The following ZNF728 variants were observed in gnomAD, a reference collection of about 807,000 sequenced individuals.
The protein encoded by ZNF728 is zinc finger protein 728.
A neutral mutation model predicts 12.5 loss-of-function variants in ZNF728; 12 were observed. The observed-to-expected ratio is 0.96, with a 90% CI of 0.61 to 1.55. The LOEUF (loss-of-function observed/expected upper bound fraction) is 1.55, where lower values mean the gene tolerates loss of function less well. Ranked by LOEUF, ZNF728 falls within the 40% of genes most tolerant of loss-of-function variation. ZNF728 has a pLI of 0.00. For missense variants in ZNF728, 692 were observed against 719.2 expected (o/e 0.96, Z 0.43); for synonymous variants, 205 against 240.7 (o/e 0.85, Z 1.37).
intron 1 of ZNF728, among the ~76,000 whole-genome samples, chr19:22,998,749 T>C (rs936718955): frequency 2.6e-5 from 4 of 152,206 alleles, no homozygotes; most frequent in African/African-American, 7.2e-5. Context: ...AGATGAAGCA[T>C]ATAGATAATA....
At chr19:22,982,364 G>A (rs1968868993) in intron 3 of ZNF728, among the ~76,000 whole-genome samples, 1 of 152,178 alleles carries the variant, frequency 6.6e-6, no homozygotes. Flanking sequence ...GAAAATAAGA[G>A]AGGACACAAA....
chr19:22,994,020 G>A (rs1399470112), intron 1 of ZNF728, among the ~76,000 whole-genome samples: 2 of 152,172 alleles, frequency 1.3e-5, no homozygotes, highest in Non-Finnish European at 2.9e-5. Flanking sequence ...GCATGAGGAG[G>A]GAGGGAGAAG....
chr19:22,999,361 C>T (rs1039182824), intron 1 of ZNF728, among the ~76,000 whole-genome samples: 2 of 152,084 alleles, frequency 1.3e-5, no homozygotes, highest in African/African-American at 4.8e-5. Flanking sequence ...CTCCCAAACC[C>T]CTTCTATCTT....
Position 22,975,358 on chromosome 19 carries a change from AAC to A in ZNF728, c.*108_*109del. 1.0e-6 allele frequency: 1 copy of A among 979,194 alleles called. No homozygotes were observed. Among genetic ancestry groups the A allele is most frequent in the Non-Finnish European group, 1.5e-6 (1 of 656,034 alleles). The allele number at this position is 979,194 out of a possible 1,614,324, so 60.7% of individuals were successfully genotyped here. ...ACCTTATGTTTAGTAAGGATTGAGG[AAC>A]AGTTAAAAAATTTGCCACATTCTTC... On this transcript the variant is annotated 3_prime_UTR_variant, in exon 4 of 4. Transcript: ENST00000594710.
At chr19:22,982,467 T>C (rs1170521544) in intron 3 of ZNF728, among the ~76,000 whole-genome samples, 1 of 152,202 alleles carries the variant, frequency 6.6e-6, no homozygotes, top group Non-Finnish European at 1.5e-5. Flanking sequence ...TTCAACACTA[T>C]TCCATCAAGC....
rs749358999 is a variant in ZNF728 at position 22,975,983 on chromosome 19, A to C, written c.1354T>G (p.Tyr452Asp). The change falls in exon 4 of 4, where the codon TAC becomes GAC. Residue 452 changes from tyrosine to aspartate, a missense_variant. Transcript: ENST00000594710. ...HKVIHTGEKH[Y>D]KCEECGKVFS... The stretch of plus-strand genomic sequence containing the variant: ...ACTTTGCCACATTCTTCACATTTGT[A>C]GTGTTTCTCTCCAGTATGAATTACT... The C allele has an allele frequency of 6.2e-7, 1 of 1,612,678 alleles. No homozygotes were observed. Among genetic ancestry groups the C allele is most frequent in the Non-Finnish European group, 8.5e-7 (1 of 1,179,906 alleles).
intron 3 of ZNF728, among the ~76,000 whole-genome samples, chr19:22,979,113 T>C (rs1405858447): frequency 2.6e-5 from 4 of 151,978 alleles, no homozygotes; most frequent in Admixed American, 2.6e-4. Flanking sequence ...CTAAGAACCT[T>C]GAAAAGAGGT....
chr19:23,000,376 T>TCAAAAAAA lies in ZNF728; in HGVS notation c.3+2644_3+2651dup, dbSNP rs1462656322. ...CTGGGTGACAGAGCAAGACTCTGCCTCAAAAAAACAAAAAAACAAAAAAAA... is the reference window on the plus strand; with the variant it reads ...CTGGGTGACAGAGCAAGACTCTGCCTCAAAAAAACAAAAAAACAAAAAAACAAAAAAAA... On this transcript the variant is annotated intron_variant, in intron 1 of 3. Coordinates refer to ENST00000594710, the MANE Select transcript of ZNF728 (RefSeq NM_001267716.2). Among the ~76,000 whole-genome samples the TCAAAAAAA allele has an allele frequency of 1.4e-4, 20 of 143,842 alleles. No individual in the cohort carries two copies. The South Asian group carries it at 4.4e-3, about 32-fold the overall frequency. 94.4% of individuals were successfully genotyped at this position (143,842 alleles called of 152,430 possible).
rs576263243 is a variant in ZNF728 at position 22,990,340 on chromosome 19, C to A, written c.4-1889G>T. ...GATAAAATTCTCTGGACAAATTACA[C>A]CTGCATCTTGAGAAGATGCCTTTAA... On this transcript the variant is annotated intron_variant, in intron 1 of 3. Transcript: ENST00000594710. Among the ~76,000 whole-genome samples the A allele has an allele frequency of 2.4e-4, 37 of 152,156 alleles. 1 individual carries two copies. In the South Asian group the frequency reaches 7.5e-3, roughly 31 times the overall value.
chr19:22,997,719 A>C (rs991198078), intron 1 of ZNF728, among the ~76,000 whole-genome samples: 1 of 151,368 alleles, frequency 6.6e-6, no homozygotes, highest in Non-Finnish European at 1.5e-5. Flanking sequence ...TCCTGGCATT[A>C]AATCTATTTA....
chr19:22,995,559 T>C (rs1568278183), intron 1 of ZNF728: 1 of 152,274 alleles, frequency 6.6e-6, no homozygotes, highest in South Asian at 2.1e-4. Context: ...TGTCTGAGCC[T>C]CACAAATAGC....
Position 23,003,143 on chromosome 19 carries a change from G to A in ZNF728, c.-113C>T, listed in dbSNP as rs547726984. 5.7e-5 allele frequency: 73 copies of A among 1,281,192 alleles called. No homozygotes were observed. Among genetic ancestry groups the A allele is most frequent in the African/African-American group, 5.7e-4 (37 of 65,006 alleles). 79.4% of individuals were successfully genotyped at this position (1,281,192 alleles called of 1,614,324 possible). The stretch of plus-strand genomic sequence containing the variant: ...GCGGACGACACACAGCAGTAAGGAC[G>A]ACACCTTGACCTCCGCGTGCAGCGA... On this transcript the variant is annotated 5_prime_UTR_variant, in exon 1 of 4. Transcript: ENST00000594710.
At position 22,977,006 on chromosome 19, in the gene ZNF728, A is replaced by C. The variant is rs752515571; in HGVS notation, c.331T>G (p.Leu111Val). ...TTGGTACAACCAATTTTTAACTGTA[A>C]ATTCTCATGTCCACATTTTTCATAT... ...RRYEKCGHEN[L>V]QLKIGCTNVD... The change falls in exon 4 of 4, where the codon TTA (leucine) becomes GTA (valine). Residue 111 changes from leucine (L) to valine (V), a missense_variant. This residue lies in a region of ZNF728 where 440 missense variants were observed against 459.6 expected (regional missense o/e 0.96). Coordinates refer to ENST00000594710, the MANE Select transcript of ZNF728 (RefSeq NM_001267716.2). The C allele has an allele frequency of 1.2e-5, 20 of 1,613,292 alleles. No individual in the cohort carries two copies. Among genetic ancestry groups the C allele is most frequent in the African/African-American group, 2.7e-5 (2 of 74,868 alleles).
rs769360365 is a variant in ZNF728, at chr19:22,976,519, TC to T, written c.817del (p.Glu273AsnfsTer88). 4.3e-5 allele frequency: 70 copies of T among 1,612,688 alleles called. 1 individual carries two copies. The Admixed American group carries it at 7.7e-4, about 18-fold the overall frequency. On this transcript the variant is annotated frameshift_variant, in exon 4 of 4. Transcript: ENST00000594710. LOFTEE classifies it low-confidence loss of function (END_TRUNC). ...CTCTCCAGCATGACTTCTCTTATGT[TC>T]AATAAGGCTTGAGGACCGGGTGAAG... ...KAFTRSSSLI[E>X]HKRSHAGEKP... is the part of the protein sequence containing the mutation.
rs1365626280 is a variant in ZNF728 at position 22,987,384 on chromosome 19, T to C, written c.150A>G (p.Pro50=). ...LVFLGIAAPK[P]DLIIFLEQGK... is the part of the protein sequence containing the mutation. ...CTTGCTCCAGAAAAATGATCAGGTCTGGCTTAGGGGCAGCAATACCTGTTT... is the reference window on the plus strand; with the variant it reads ...CTTGCTCCAGAAAAATGATCAGGTCCGGCTTAGGGGCAGCAATACCTGTTT... The change falls in exon 3 of 4, where the codon CCA becomes CCG. Residue 50 remains proline, a synonymous_variant. Transcript: ENST00000594710. 2.5e-6 allele frequency: 4 copies of C among 1,605,730 alleles called. No individual in the cohort carries two copies. The highest frequency in any genetic ancestry group is 3.4e-6 in the Non-Finnish European group (4 of 1,177,084).
rs751434410 is a variant in ZNF728, at chr19:22,975,968, A to G, written c.1369T>C (p.Cys457Arg). 1.2e-6 allele frequency: 2 copies of G among 1,612,898 alleles called. No homozygotes were observed. Among genetic ancestry groups the G allele is most frequent in the East Asian group, 4.5e-5 (2 of 44,820 alleles). The change falls in exon 4 of 4, where the codon TGT (cysteine) becomes CGT (arginine). Residue 457 changes from cysteine to arginine, a missense_variant. Physicochemically the swap from Cys to Arg is radical, Grantham distance 180. Transcript: ENST00000594710. ...GAGGACCAGCTGAAGACTTTGCCAC[A>G]TTCTTCACATTTGTAGTGTTTCTCT... is the stretch of plus-strand genomic sequence containing the variant. ...TGEKHYKCEECGKVFSWSSSL... is the reference protein window; with the variant it reads ...TGEKHYKCEERGKVFSWSSSL...
At chr19:22,979,726 G>C (rs1968842069) in intron 3 of ZNF728, among the ~76,000 whole-genome samples, 1 of 152,102 alleles carries the variant, frequency 6.6e-6, no homozygotes, top group Non-Finnish European at 1.5e-5. Flanking sequence ...TTAAAGAAAG[G>C]AATTTCAACC....
At chr19:22,984,714 A>G (rs1197303523) in intron 3 of ZNF728, among the ~76,000 whole-genome samples, 2 of 152,132 alleles carry the variant, frequency 1.3e-5, no homozygotes, top group Non-Finnish European at 2.9e-5. Flanking sequence ...TGGTCAATGT[A>G]ATCTACAAAT....
chr19:22,978,130 T>C (rs1007643896), intron 3 of ZNF728, among the ~76,000 whole-genome samples: 6 of 151,840 alleles, frequency 4.0e-5, no homozygotes, highest in Non-Finnish European at 8.8e-5. Context: ...CACAAATACA[T>C]TTATAACAAA....
Sources: allele counts gnomAD v4.1 joint callset (sites outside exome capture counted in the v4.1 genomes callset), GRCh38; gene constraint gnomAD v4.1.1; regional missense constraint gnomAD v4.1.1; transcripts MANE v1.5; gene names NCBI Gene and HGNC (gene_info 2026-07-23, HGNC 2026-07-21).